Variants in ALK observed in about 807,000 individuals in gnomAD.
ALK encodes ALK receptor tyrosine kinase.
Under a neutral mutation model 163.1 loss-of-function variants are expected in ALK, and 74 were observed. The ratio of observed to expected loss-of-function variants is 0.45; its 90% CI spans 0.38 to 0.55. The LOEUF (loss-of-function observed/expected upper bound fraction) is 0.55, where lower values mean the gene tolerates loss of function less well. Ranked by LOEUF, ALK falls within the 20% of genes least tolerant of loss-of-function variation. ALK has a pLI of 0.00. For missense variants in ALK, 2,063 were observed against 2,105.3 expected, an observed-to-expected ratio of 0.98 and a Z score of 0.39; for synonymous variants, 960 against 843.2, an observed-to-expected ratio of 1.14 and a Z score of -2.40.
At chr2:29,721,634 G>C (rs111761396) in intron 1 of ALK, among the ~76,000 whole-genome samples, 53 of 152,318 alleles carry the variant, frequency 3.5e-4, no homozygotes, top group African/African-American at 1.3e-3. Flanking sequence ...CTTCTCTTCT[G>C]TTGTAAAGGA....
Position 29,611,669 on chromosome 2 carries a change from G to A in ALK, c.953-79553C>T, listed in dbSNP as rs548173131. On this transcript the variant is annotated intron_variant, in intron 3 of 28. Coordinates refer to ENST00000389048, the MANE Select transcript of ALK (RefSeq NM_004304.5). ...GGGCCTAGTGGGAGGTGATTGGATC[G>A]TGGGCATGGGCTTCCTTCCCCCTTG... is the stretch of plus-strand genomic sequence containing the variant. Among the ~76,000 whole-genome samples the A allele has an allele frequency of 6.6e-5, 10 of 152,254 alleles. No homozygotes were observed. The East Asian group carries it at 7.7e-4, about 12-fold the overall frequency.
intron 1 of ALK, among the ~76,000 whole-genome samples, chr2:29,909,063 G>A (rs757358550): frequency 7.2e-5 from 11 of 152,162 alleles, no homozygotes; most frequent in Admixed American, 2.6e-4. Flanking sequence ...ACCTCCCATG[G>A]AGATCTATAT....
At chr2:29,757,495 C>A (rs1161166325) in intron 1 of ALK, among the ~76,000 whole-genome samples, 4 of 152,112 alleles carry the variant, frequency 2.6e-5, no homozygotes, top group Non-Finnish European at 5.9e-5. Context: ...AAGTAAAATA[C>A]AAAATGTCTA....
At chr2:29,735,878 T>C (rs1409443050) in intron 1 of ALK, among the ~76,000 whole-genome samples, 2 of 152,240 alleles carry the variant, frequency 1.3e-5, no homozygotes, top group East Asian at 1.9e-4. Context: ...TAAAACTCTT[T>C]CCTTTATGAA....
intron 5 of ALK, among the ~76,000 whole-genome samples, chr2:29,342,319 A>G (rs546750396): frequency 9.3e-4 from 141 of 152,334 alleles, no homozygotes; most frequent in African/African-American, 3.3e-3. Context: ...CCTTGAAGAC[A>G]CTATGCTAAG....
intron 5 of ALK, among the ~76,000 whole-genome samples, chr2:29,347,368 A>G (rs1419509282): frequency 1.3e-5 from 2 of 152,202 alleles, no homozygotes; most frequent in Non-Finnish European, 2.9e-5. Flanking sequence ...GAGGTGAACC[A>G]ACTCATTTCC....
At chr2:29,374,411 CCT>C (rs1454977347) in intron 5 of ALK, among the ~76,000 whole-genome samples, 1 of 151,444 alleles carries the variant, frequency 6.6e-6, no homozygotes, top group Non-Finnish European at 1.5e-5. Context: ...AATAAGCAAA[CCT>C]TTATTGAGTG....
intron 3 of ALK, among the ~76,000 whole-genome samples, chr2:29,684,601 C>A (rs919449877): frequency 5.3e-5 from 8 of 152,172 alleles, no homozygotes; most frequent in African/African-American, 1.9e-4. Flanking sequence ...CTTCCCAAGA[C>A]CCCTCTGAAG....
chr2:29,652,231 C>A (rs1205366436), intron 3 of ALK, among the ~76,000 whole-genome samples: 1 of 151,934 alleles, frequency 6.6e-6, no homozygotes, highest in African/African-American at 2.4e-5. Context: ...TTCTGGATTC[C>A]TTATCATAAC....
At chr2:29,374,685 C>A (rs538895452) in intron 5 of ALK, among the ~76,000 whole-genome samples, 1 of 152,056 alleles carries the variant, frequency 6.6e-6, no homozygotes, top group Non-Finnish European at 1.5e-5. Context: ...CAGATGGAAC[C>A]AAAGCTTGAG....
chr2:29,757,304 T>C (rs148617213), intron 1 of ALK, among the ~76,000 whole-genome samples: 292 of 152,286 alleles, frequency 1.9e-3, no homozygotes, highest in African/African-American at 6.8e-3. Context: ...CCACATACTG[T>C]TCCAGGTGCC....
At chr2:29,801,123 A>T (rs894241897) in intron 1 of ALK, among the ~76,000 whole-genome samples, 1 of 152,224 alleles carries the variant, frequency 6.6e-6, no homozygotes, top group East Asian at 1.9e-4. Context: ...CATGAGGCCC[A>T]GGAATATGCT....
chr2:29,226,840 C>T (rs2148178069), intron 18 of ALK, 82 bp downstream of exon 18: 1 of 1,572,308 alleles, frequency 6.4e-7, no homozygotes, highest in Non-Finnish European at 8.7e-7. Context: ...CCAGGGTGTT[C>T]TGGAACCCAG....
chr2:29,353,457 T>C (rs1668167019), intron 5 of ALK, among the ~76,000 whole-genome samples: 1 of 152,234 alleles, frequency 6.6e-6, no homozygotes. Context: ...AAGACTCATC[T>C]CTGGAATTTT....
intron 19 of ALK, chr2:29,224,659 C>T (rs527919540): frequency 2.7e-5 from 6 of 223,344 alleles, no homozygotes; most frequent in African/African-American, 6.7e-5. Flanking sequence ...ATGGACCGAC[C>T]GTGATCAGAT....
Position 29,773,689 on chromosome 2 carries a change from T to A in ALK, c.668-55992A>T, listed in dbSNP as rs149263301. Among the ~76,000 whole-genome samples, 1,030 of 152,344 alleles carry A rather than the reference T, an allele frequency of 6.8e-3. 10 individuals are homozygous for A. The highest frequency in any genetic ancestry group is 0.043 in the South Asian group (209 of 4,816). On this transcript the variant is annotated intron_variant, in intron 1 of 28. Transcript: ENST00000389048. ...GATGATGGGAAAGACAACTGAAATA[T>A]TTATGGCATTAAGTGCTAAATGCAT... is the stretch of plus-strand genomic sequence containing the variant.
At chr2:29,379,684 G>T (rs1166159413) in intron 5 of ALK, among the ~76,000 whole-genome samples, 1 of 152,138 alleles carries the variant, frequency 6.6e-6, no homozygotes, top group Admixed American at 6.5e-5. Context: ...AATGACCTAT[G>T]TCACATGAAA....
chr2:29,875,632 T>G (rs1382539070), intron 1 of ALK, among the ~76,000 whole-genome samples: 1 of 152,128 alleles, frequency 6.6e-6, no homozygotes, highest in Non-Finnish European at 1.5e-5. Context: ...TCCCACTGTG[T>G]CCATGTGTTC....
chr2:29,552,669 C>T (rs1442164343), intron 3 of ALK, among the ~76,000 whole-genome samples: 1 of 152,226 alleles, frequency 6.6e-6, no homozygotes, highest in Non-Finnish European at 1.5e-5. Flanking sequence ...GAAATGTCTA[C>T]TCAAGTCCCT....
Sources: allele counts gnomAD v4.1 joint callset (sites outside exome capture counted in the v4.1 genomes callset), GRCh38; gene constraint gnomAD v4.1.1; transcripts MANE v1.5; gene names NCBI Gene and HGNC (gene_info 2026-07-23, HGNC 2026-07-21).